MTMR2: variants seen among roughly 807,000 people sequenced by gnomAD.
MTMR2 encodes the protein myotubularin related protein 2, also known as phosphatidylinositol-3,5-bisphosphate 3-phosphatase MTMR2.
Under a neutral mutation model 86.9 loss-of-function variants are expected in MTMR2, and 55 were observed. That is an observed-to-expected ratio of 0.63 (90% CI 0.51 to 0.79). The LOEUF (loss-of-function observed/expected upper bound fraction) is 0.79, where lower values mean the gene tolerates loss of function less well. MTMR2 is among the 30% of genes least tolerant of loss of function. MTMR2 has a pLI of 0.00. For synonymous variants in MTMR2, 241 were observed against 266.8 expected (o/e 0.90, Z 0.94); for missense variants, 659 against 772.3 (o/e 0.85, Z 1.74).
intron 1 of MTMR2, among the ~76,000 whole-genome samples, chr11:95,891,308 A>AG (rs1865704844): frequency 6.6e-6 from 1 of 152,062 alleles, no homozygotes; most frequent in Non-Finnish European, 1.5e-5. Context: ...AAAATTAGCC[A>AG]GGAGTGGTGG....
chr11:95,904,831 C>T, intron 1 of MTMR2, among the ~76,000 whole-genome samples: 1 of 152,158 alleles, frequency 6.6e-6, no homozygotes, highest in Admixed American at 6.5e-5. Flanking sequence ...GATCTAAGAA[C>T]CCTCTCTTGG....
chr11:95,846,540 G>A (rs533946728), intron 10 of MTMR2, among the ~76,000 whole-genome samples: 3 of 152,326 alleles, frequency 2.0e-5, no homozygotes, highest in African/African-American at 7.2e-5. Flanking sequence ...TATTTGAGCA[G>A]AGACCAGAAG....
intron 13 of MTMR2, 85 bp from the exon 14 acceptor site, chr11:95,836,409 G>A (rs1004694376): frequency 1.5e-6 from 2 of 1,291,012 alleles, no homozygotes; most frequent in Non-Finnish European, 2.2e-6. Flanking sequence ...GTACTTTGTT[G>A]TCATTAAAAT....
intron 13 of MTMR2, among the ~76,000 whole-genome samples, chr11:95,837,185 A>C (rs1863323363): frequency 6.6e-6 from 1 of 152,020 alleles, no homozygotes; most frequent in African/African-American, 2.4e-5. Context: ...TTAAAAATTT[A>C]ATACCTGCCT....
chr11:95,916,729 T>C (rs1032350749), intron 1 of MTMR2, among the ~76,000 whole-genome samples: 1 of 152,166 alleles, frequency 6.6e-6, no homozygotes, highest in African/African-American at 2.4e-5. Flanking sequence ...TAATTTTTAA[T>C]ATATTTAATA....
At chr11:95,900,876 G>T (rs1866051300) in intron 1 of MTMR2, among the ~76,000 whole-genome samples, 1 of 152,144 alleles carries the variant, frequency 6.6e-6, no homozygotes, top group Admixed American at 6.5e-5. Flanking sequence ...CTGTTTTCTA[G>T]ATGTCATTAA....
At chr11:95,901,693 A>T (rs1049060423) in intron 1 of MTMR2, among the ~76,000 whole-genome samples, 9 of 152,308 alleles carry the variant, frequency 5.9e-5, no homozygotes, top group Non-Finnish European at 1.3e-4. Context: ...CAAAGTGCTT[A>T]TTATCTAACT....
chr11:95,900,100 A>G (rs1229313280), intron 1 of MTMR2, among the ~76,000 whole-genome samples: 2 of 152,158 alleles, frequency 1.3e-5, no homozygotes, highest in African/African-American at 4.8e-5. Flanking sequence ...GAGGCCACAT[A>G]ATGACAAAGA....
intron 1 of MTMR2, among the ~76,000 whole-genome samples, chr11:95,889,914 T>TTAA (rs2135553356): frequency 6.6e-6 from 1 of 152,342 alleles, no homozygotes; most frequent in South Asian, 2.1e-4. Context: ...AAAGTCTTCC[T>TTAA]TATACCAGAA....
chr11:95,903,147 C>T (rs181311883), intron 1 of MTMR2, among the ~76,000 whole-genome samples: 13 of 152,262 alleles, frequency 8.5e-5, no homozygotes, highest in Middle Eastern at 3.4e-3. Flanking sequence ...TCATATCCTC[C>T]GGACTGGCAT....
intron 2 of MTMR2, chr11:95,887,828 G>A (rs750939395): frequency 2.1e-5 from 6 of 283,056 alleles, no homozygotes; most frequent in Non-Finnish European, 3.4e-5. Context: ...TTAGAACAAC[G>A]CTTGGCACAC....
At chr11:95,916,396 A>G (rs1866708452) in intron 1 of MTMR2, among the ~76,000 whole-genome samples, 1 of 152,166 alleles carries the variant, frequency 6.6e-6, no homozygotes, top group Admixed American at 6.5e-5. Context: ...CCAAAAAAGT[A>G]TCCTTCAAAG....
At chr11:95,850,967 A>G (rs1449879872) in intron 7 of MTMR2, among the ~76,000 whole-genome samples, 2 of 152,092 alleles carry the variant, frequency 1.3e-5, no homozygotes, top group Non-Finnish European at 2.9e-5. Flanking sequence ...ATGTTAATAT[A>G]ACAGACATTA....
At position 95,836,142 on chromosome 11, in the gene MTMR2, A is replaced by G. The variant is rs1863267045; in HGVS notation, c.1770+6T>C. The G allele has an allele frequency of 6.2e-7, 1 of 1,611,556 alleles. No individual in the cohort carries two copies. The highest frequency in any genetic ancestry group is 1.1e-5 in the South Asian group (1 of 91,024). On this transcript the variant is annotated splice_donor_region_variant and intron_variant, in intron 14 of 14. Coordinates refer to ENST00000346299, the MANE Select transcript of MTMR2 (RefSeq NM_016156.6). ...AAACTCCCATTGTATATTGTAAGGC[A>G]CATACCTGTGGTTTCATCCGTGGAT...
chr11:95,836,255 G>A lies in MTMR2; in HGVS notation c.1663C>T (p.Leu555Phe). 1.2e-6 allele frequency: 2 copies of A among 1,613,006 alleles called. No homozygotes were observed. Among genetic ancestry groups the A allele is most frequent in the Non-Finnish European group, 1.7e-6 (2 of 1,179,176 alleles). The part of the protein sequence containing the change: ...NSQLEDFTNP[L>F]YGSYSNHVLY... Reference sequence around the variant, plus strand: ...ACATGATTGGAATAGCTCCCATAGAGAGGATTAGTGAAGTCTTCCAGCTGG... The same window carrying A: ...ACATGATTGGAATAGCTCCCATAGAAAGGATTAGTGAAGTCTTCCAGCTGG... Residue 555 changes from leucine to phenylalanine, a missense_variant, in exon 14 of 15, where the codon CTC becomes TTC. Around this residue, in one of 3 missense-constraint regions of MTMR2, gnomAD observed 193 missense variants for 191.6 expected, o/e 1.01. Coordinates refer to ENST00000346299, the MANE Select transcript of MTMR2 (RefSeq NM_016156.6).
chr11:95,834,731 G>GTATC lies in MTMR2; in HGVS notation c.*555_*558dup, dbSNP rs1863177622. ...AATTTTCAACTACTACCACACCGTA[G>GTATC]TATCTTCAACACTTTGCCTTTTACT... On this transcript the variant is annotated 3_prime_UTR_variant, in exon 15 of 15. Transcript: ENST00000346299. 1 of 158,120 alleles carries GTATC rather than the reference G, an allele frequency of 6.3e-6. No individual in the cohort carries two copies. 9.8% of individuals were successfully genotyped at this position (158,120 alleles called of 1,614,324 possible).
Position 95,847,831 on chromosome 11 carries a change from G to A in MTMR2, c.1062C>T (p.His354=). 2 of 1,613,640 alleles carry A rather than the reference G, an allele frequency of 1.2e-6. No homozygotes were observed. Among genetic ancestry groups the A allele is most frequent in the Non-Finnish European group, 1.7e-6 (2 of 1,179,682 alleles). The part of the protein sequence containing the change: ...QNAELVFLDI[H]NIHVMRESLR... The stretch of plus-strand genomic sequence containing the variant: ...ATGATTCTCTCATAACATGAATATT[G>A]TGGATATCCAGGAAAACTAGTTCAG... The change falls in exon 10 of 15, where the codon CAC becomes CAT. Residue 354 remains histidine, a synonymous_variant. Transcript: ENST00000346299.
chr11:95,871,151 G>C (rs1864865693), intron 2 of MTMR2, among the ~76,000 whole-genome samples: 1 of 152,166 alleles, frequency 6.6e-6, no homozygotes, highest in African/African-American at 2.4e-5. Flanking sequence ...GGACATTTGG[G>C]TTGGTTCCAA....
At chr11:95,915,380 TTAAATCCTC>T (rs1179337352) in intron 1 of MTMR2, among the ~76,000 whole-genome samples, 1 of 152,190 alleles carries the variant, frequency 6.6e-6, no homozygotes. Context: ...TTAATGTCTA[TTAAATCCTC>T]AGAGCCTGAT....
Sources: allele counts gnomAD v4.1 joint callset (sites outside exome capture counted in the v4.1 genomes callset), GRCh38; gene constraint gnomAD v4.1.1; regional missense constraint gnomAD v4.1.1; transcripts MANE v1.5; gene names NCBI Gene and HGNC (gene_info 2026-07-23, HGNC 2026-07-21).